Variants in SLC38A9 observed in about 807,000 individuals in gnomAD.
The protein encoded by SLC38A9 is solute carrier family 38 member 9, also known as neutral amino acid transporter 9.
In SLC38A9, 48 loss-of-function variants were observed where a neutral mutation model predicts 62.3. The ratio of observed to expected loss-of-function variants is 0.77; its 90% CI spans 0.61 to 0.98. SLC38A9 has a LOEUF of 0.98. Among genes scored for constraint, SLC38A9 ranks in the 50% least tolerant of loss-of-function variants. The pLI is 0.00. For synonymous variants in SLC38A9, 204 were observed against 227.7 expected (o/e 0.90, Z 0.94); for missense variants, 541 against 679.8 (o/e 0.80, Z 2.27).
In SLC38A9 at chr5:55,633,843, C is replaced by A; in HGVS notation, c.1341G>T (p.Leu447=). 6.2e-7 allele frequency: 1 copy of A among 1,613,898 alleles called. No individual in the cohort carries two copies. Among genetic ancestry groups the A allele is most frequent in the Non-Finnish European group, 8.5e-7 (1 of 1,179,930 alleles). Residue 447 remains leucine (L), a synonymous_variant, in exon 14 of 16, where the codon CTG becomes CTT. Transcript: ENST00000396865. ...GGTATACAGTCATCATCTGGAACAG[C>A]AGGAATATCCTTGCAATGAAGGACA... The part of the protein sequence containing the change: ...DTLSFIARIF[L]LFQMMTVYPL...
At chr5:55,633,730 G>T (rs1283751215) in intron 14 of SLC38A9, 24 bp downstream of exon 14, 1 of 1,613,912 alleles carries the variant, frequency 6.2e-7, no homozygotes. Flanking sequence ...GGCACATCCT[G>T]CTGGTCAAGA....
At chr5:55,653,558 T>C (rs750688220) in intron 9 of SLC38A9, among the ~76,000 whole-genome samples, 24 of 152,256 alleles carry the variant, frequency 1.6e-4, no homozygotes, top group Middle Eastern at 3.4e-3. Context: ...GCAAGAATCT[T>C]GAATCCCAAC....
intron 2 of SLC38A9, chr5:55,704,115 C>T (rs919501420): frequency 1.3e-5 from 2 of 152,202 alleles, no homozygotes; most frequent in Admixed American, 6.6e-5. Flanking sequence ...TCTCAGTGAG[C>T]TATGATCACA....
intron 3 of SLC38A9, among the ~76,000 whole-genome samples, chr5:55,691,778 CAG>C (rs1491571231): frequency 1.3e-5 from 2 of 152,174 alleles, no homozygotes; most frequent in Non-Finnish European, 2.9e-5. Context: ...ACCCCCAAAT[CAG>C]GGGGAAAACT....
Position 55,628,079 on chromosome 5 carries a change from A to C in SLC38A9, c.1431-99T>G, listed in dbSNP as rs1206969524. On this transcript the variant is annotated intron_variant, in intron 14 of 15. Transcript: ENST00000396865. ...CTACAGTTCATTCTTAACATCGTTA[A>C]AATCAAAATGTCTTAAGCTTGATAA... The C allele has an allele frequency of 6.9e-6, 5 of 725,090 alleles. No individual in the cohort carries two copies. The Admixed American group carries it at 1.2e-4, about 17-fold the overall frequency. 44.9% of individuals were successfully genotyped at this position (725,090 alleles called of 1,614,324 possible). A position where few individuals can be genotyped will look rare whatever the true frequency, so the allele number is the denominator to read the frequency against.
At chr5:55,692,541 AT>A (rs1196079948) in intron 3 of SLC38A9, 1 of 780,642 alleles carries the variant, frequency 1.3e-6, no homozygotes, top group Non-Finnish European at 1.6e-6. Context: ...GCAAATTAGC[AT>A]TTAGTACTGC....
intron 7 of SLC38A9, among the ~76,000 whole-genome samples, chr5:55,665,832 G>A (rs1315588832): frequency 1.3e-5 from 2 of 151,886 alleles, no homozygotes; most frequent in Non-Finnish European, 2.9e-5. Context: ...GCGTGACAGC[G>A]TGCACCTGTA....
intron 3 of SLC38A9, among the ~76,000 whole-genome samples, chr5:55,678,749 C>T (rs1752594215): frequency 7.2e-6 from 1 of 138,708 alleles, no homozygotes; most frequent in Non-Finnish European, 1.5e-5. Context: ...TTACCTTGAA[C>T]TCCTGGGCTC....
At chr5:55,668,666 T>A (rs988208855) in intron 7 of SLC38A9, among the ~76,000 whole-genome samples, 1 of 152,222 alleles carries the variant, frequency 6.6e-6, no homozygotes, top group Non-Finnish European at 1.5e-5. Flanking sequence ...CTTGCTAAGA[T>A]TTAATGAAAT....
At chr5:55,682,991 G>A (rs1466545958) in intron 3 of SLC38A9, among the ~76,000 whole-genome samples, 1 of 151,530 alleles carries the variant, frequency 6.6e-6, no homozygotes, top group Non-Finnish European at 1.5e-5. Context: ...GAGGGAGGGA[G>A]GGAGGGAAGA....
chr5:55,655,910 C>G (rs1055052999), intron 9 of SLC38A9, among the ~76,000 whole-genome samples: 2 of 152,060 alleles, frequency 1.3e-5, no homozygotes, highest in African/African-American at 4.8e-5. Context: ...CTGGATTAAA[C>G]TCATTGGCTC....
intron 14 of SLC38A9, among the ~76,000 whole-genome samples, chr5:55,630,096 G>A (rs1743165734): frequency 6.6e-6 from 1 of 152,164 alleles, no homozygotes; most frequent in African/African-American, 2.4e-5. Context: ...GTCAGGTTTT[G>A]GCACAGTATC....
chr5:55,658,153 G>GCCTTT (rs1748790502), intron 8 of SLC38A9: 1 of 97,208 alleles, frequency 1.0e-5, no homozygotes, highest in African/African-American at 3.4e-5. Flanking sequence ...AATGACTGAT[G>GCCTTT]TCTTTTATTT....
chr5:55,636,372 C>G (rs1580091428), intron 12 of SLC38A9, among the ~76,000 whole-genome samples: 2 of 152,170 alleles, frequency 1.3e-5, no homozygotes, highest in South Asian at 4.1e-4. Context: ...AAGTAAAAAG[C>G]TCCAAGATAT....
chr5:55,666,478 T>A (rs954159615), intron 7 of SLC38A9, among the ~76,000 whole-genome samples: 1 of 152,198 alleles, frequency 6.6e-6, no homozygotes, highest in African/African-American at 2.4e-5. Flanking sequence ...CTGCCACCTT[T>A]GAAGCAAAAT....
intron 2 of SLC38A9, chr5:55,702,941 T>G (rs1333176265): frequency 6.6e-6 from 1 of 152,108 alleles, no homozygotes; most frequent in Non-Finnish European, 1.5e-5. Context: ...AAGTAGTACC[T>G]TACAACAGTA....
chr5:55,628,398 C>T (rs1005416261), intron 14 of SLC38A9, among the ~76,000 whole-genome samples: 4 of 152,088 alleles, frequency 2.6e-5, no homozygotes, highest in Admixed American at 2.0e-4. Context: ...AATAACTTAT[C>T]ACCATTACCT....
chr5:55,660,379 AC>A (rs1173698856), intron 8 of SLC38A9, among the ~76,000 whole-genome samples: 2 of 152,172 alleles, frequency 1.3e-5, no homozygotes, highest in Admixed American at 6.5e-5. Context: ...ACACCACTGC[AC>A]CCCAGAGCCT....
intron 14 of SLC38A9, among the ~76,000 whole-genome samples, chr5:55,631,407 CATT>C (rs1743427665): frequency 6.6e-6 from 1 of 152,048 alleles, no homozygotes; most frequent in Non-Finnish European, 1.5e-5. Flanking sequence ...GAAGAAAAAA[CATT>C]ATTGTAAAGA....
Sources: allele counts gnomAD v4.1 joint callset (sites outside exome capture counted in the v4.1 genomes callset), GRCh38; gene constraint gnomAD v4.1.1; transcripts MANE v1.5; gene names NCBI Gene and HGNC (gene_info 2026-07-23, HGNC 2026-07-21).